STPG2: variants seen among roughly 807,000 people sequenced by gnomAD.
STPG2 encodes the protein sperm tail PG-rich repeat containing 2, also known as sperm-tail PG-rich repeat-containing protein 2.
A neutral mutation model predicts 54.2 loss-of-function variants in STPG2; 56 were observed. The ratio of observed to expected loss-of-function variants is 1.03; its 90% CI spans 0.83 to 1.29. The LOEUF (loss-of-function observed/expected upper bound fraction) is 1.29. Among genes scored for constraint, STPG2 ranks in the 50% most tolerant of loss-of-function variants. STPG2 has a pLI of 0.00. For synonymous variants in STPG2, 200 were observed against 181.8 expected (o/e 1.10, Z -0.81); for missense variants, 596 against 544.9 (o/e 1.09, Z -0.93).
chr4:97,479,923 T>C lies in STPG2; in HGVS notation c.462+232776A>G, dbSNP rs141548828. ...CAGTAATGGATAATTTGTTTCCATA[T>C]TTGCTGAAACTATAATTCTGTAGAT... On this transcript the variant is annotated intron_variant, in intron 4 of 4. Transcript: ENST00000522676. Among the ~76,000 whole-genome samples, 279 of 151,998 alleles carry C rather than the reference T, an allele frequency of 1.8e-3. 1 individual carries two copies. Among genetic ancestry groups the C allele is most frequent in the African/African-American group, 6.4e-3 (266 of 41,564 alleles).
chr4:97,614,889 T>C (rs1733820536), intron 10 of STPG2, among the ~76,000 whole-genome samples: 1 of 152,150 alleles, frequency 6.6e-6, no homozygotes, highest in Admixed American at 6.6e-5. Context: ...ATGTCTATGG[T>C]GTTGGCTATT....
chr4:98,011,733 T>A (rs1288031894), intron 5 of STPG2, among the ~76,000 whole-genome samples: 1 of 152,246 alleles, frequency 6.6e-6, no homozygotes, highest in South Asian at 2.1e-4. Flanking sequence ...TTTTTTCATA[T>A]GTTTGTTGGC....
chr4:98,019,401 G>C (rs1736093799), intron 5 of STPG2, among the ~76,000 whole-genome samples: 1 of 151,796 alleles, frequency 6.6e-6, no homozygotes, highest in South Asian at 2.1e-4. Context: ...CCAGTACCAT[G>C]ATGTTTTGGT....
chr4:97,962,116 C>G (rs967379778), intron 7 of STPG2, among the ~76,000 whole-genome samples: 1 of 152,080 alleles, frequency 6.6e-6, no homozygotes, highest in Non-Finnish European at 1.5e-5. Context: ...AATGGAAAAC[C>G]AAACATCTTA....
intron 5 of STPG2, among the ~76,000 whole-genome samples, chr4:98,021,715 T>C (rs1736204621): frequency 6.6e-6 from 1 of 151,880 alleles, no homozygotes; most frequent in African/African-American, 2.4e-5. Flanking sequence ...ATTGGGTGCA[T>C]ATATATTTAG....
chr4:97,823,431 C>T (rs1262822977), intron 9 of STPG2, among the ~76,000 whole-genome samples: 2 of 152,190 alleles, frequency 1.3e-5, no homozygotes, highest in East Asian at 3.9e-4. Flanking sequence ...CATCTGATTA[C>T]AGCATGGTTT....
intron 8 of STPG2, among the ~76,000 whole-genome samples, chr4:97,846,611 G>A (rs1448135924): frequency 8.5e-5 from 11 of 128,774 alleles, no homozygotes; most frequent in Admixed American, 4.3e-4. Context: ...GCAACAGTGT[G>A]AGACTCCACC....
intron 8 of STPG2, among the ~76,000 whole-genome samples, chr4:97,871,424 G>T (rs374132329): frequency 6.7e-6 from 1 of 150,164 alleles, no homozygotes; most frequent in Non-Finnish European, 1.5e-5. Context: ...AAAAGGGGGG[G>T]AATCATAATT....
intron 8 of STPG2, among the ~76,000 whole-genome samples, chr4:97,907,712 C>CGA: frequency 2.6e-5 from 4 of 152,154 alleles, no homozygotes; most frequent in Non-Finnish European, 4.4e-5. Context: ...GAAATAACGC[C>CGA]ACTTATCTAC....
In STPG2 at chr4:98,031,830, T is replaced by G. The variant is rs1438801386; in HGVS notation, c.613-50512A>C. ...ATACTCTATACAATTGACAGAGGACTAATATGCAGAATCTACAAAGAAAAC... is the reference window on the plus strand; with the variant it reads ...ATACTCTATACAATTGACAGAGGACGAATATGCAGAATCTACAAAGAAAAC... On this transcript the variant is annotated intron_variant, in intron 5 of 10. Transcript: ENST00000295268. Among the ~76,000 whole-genome samples, 3 of 152,240 alleles carry G rather than the reference T, an allele frequency of 2.0e-5. No homozygotes were observed. The East Asian group carries it at 5.8e-4, about 29-fold the overall frequency.
intron 5 of STPG2, among the ~76,000 whole-genome samples, chr4:97,984,757 C>T (rs530549891): frequency 3.3e-5 from 5 of 152,050 alleles, no homozygotes; most frequent in Admixed American, 6.6e-5. Flanking sequence ...GGGGATGCTG[C>T]GCTACTTGGG....
At chr4:97,735,268 T>C (rs1193195303) in intron 9 of STPG2, among the ~76,000 whole-genome samples, 1 of 151,778 alleles carries the variant, frequency 6.6e-6, no homozygotes, top group African/African-American at 2.4e-5. Context: ...TATCTATATA[T>C]ATATACATAC....
intron 9 of STPG2, among the ~76,000 whole-genome samples, chr4:97,784,546 T>C (rs1032821962): frequency 2.0e-5 from 3 of 151,998 alleles, no homozygotes; most frequent in African/African-American, 7.2e-5. Context: ...GAATATTTTT[T>C]GTCCCAAATG....
At chr4:97,449,830 G>A (rs571743435) in intron 4 of STPG2, among the ~76,000 whole-genome samples, 3 of 152,284 alleles carry the variant, frequency 2.0e-5, no homozygotes, top group South Asian at 2.1e-4. Context: ...CATGATCAGA[G>A]TGAGAGCACA....
intron 8 of STPG2, among the ~76,000 whole-genome samples, chr4:97,936,773 G>T (rs1000269090): frequency 6.6e-6 from 1 of 152,150 alleles, no homozygotes; most frequent in Non-Finnish European, 1.5e-5. Context: ...GCTTCCCTTT[G>T]TAGGTGACCT....
At chr4:97,531,880 T>G (rs1731422640) in intron 4 of STPG2, among the ~76,000 whole-genome samples, 1 of 152,220 alleles carries the variant, frequency 6.6e-6, no homozygotes, top group African/African-American at 2.4e-5. Flanking sequence ...ATTGGATTAT[T>G]TGTAACAGAA....
At chr4:97,913,869 G>C (rs1161840751) in intron 8 of STPG2, among the ~76,000 whole-genome samples, 1 of 151,972 alleles carries the variant, frequency 6.6e-6, no homozygotes, top group Non-Finnish European at 1.5e-5. Context: ...GCAAGTTGAA[G>C]AAAAATTTTA....
intron 9 of STPG2, among the ~76,000 whole-genome samples, chr4:97,782,110 G>C (rs569359571): frequency 6.6e-6 from 1 of 152,230 alleles, no homozygotes; most frequent in East Asian, 1.9e-4. Context: ...ATCAATAAAG[G>C]GTATTCAATT....
At chr4:98,014,468 G>A (rs993512089) in intron 5 of STPG2, among the ~76,000 whole-genome samples, 8 of 152,096 alleles carry the variant, frequency 5.3e-5, no homozygotes, top group African/African-American at 1.7e-4. Context: ...GGTTGCCAGT[G>A]CAAAATTCAC....
Sources: allele counts gnomAD v4.1 joint callset (sites outside exome capture counted in the v4.1 genomes callset), GRCh38; gene constraint gnomAD v4.1.1; transcripts MANE v1.5; gene names NCBI Gene and HGNC (gene_info 2026-07-23, HGNC 2026-07-21).